Variants in EYS observed in about 807,000 individuals in gnomAD.
EYS encodes EGF-like photoreceptor maintenance factor.
In EYS, 250 loss-of-function variants were observed where a neutral mutation model predicts 282.1. The ratio of observed to expected loss-of-function variants is 0.89; its 90% confidence interval spans 0.80 to 0.98. The LOEUF is 0.98. EYS is among the 50% of genes least tolerant of loss of function. The pLI, the probability that EYS is intolerant of heterozygous loss-of-function variation, is 0.00. For synonymous variants in EYS, 1,355 were observed against 1,282.9 expected, an observed-to-expected ratio of 1.06 and a Z score of -1.20; for missense variants, 4,016 against 3,709.0, an observed-to-expected ratio of 1.08 and a Z score of -2.15.
rs376834426 is a variant in EYS at position 65,122,888 on chromosome 6, G to A, written c.2024-65161C>T. Among the ~76,000 whole-genome samples the A allele has an allele frequency of 7.9e-5, 12 of 152,098 alleles. No homozygotes were observed. The East Asian group carries it at 2.1e-3, about 27-fold the overall frequency. On this transcript the variant is annotated intron_variant, in intron 12 of 42. Coordinates refer to ENST00000503581, the MANE Select transcript of EYS (RefSeq NM_001142800.2). Reference sequence around the variant, plus strand: ...AATGCAACAACACGTTGAGTTCAGTGCCTGGCATAGATATACATCTATCCA... The same window carrying A: ...AATGCAACAACACGTTGAGTTCAGTACCTGGCATAGATATACATCTATCCA...
chr6:65,293,133 A>C (rs1768571864), intron 12 of EYS, among the ~76,000 whole-genome samples: 1 of 151,682 alleles, frequency 6.6e-6, no homozygotes, highest in Non-Finnish European at 1.5e-5. Context: ...TCATAAGAAA[A>C]GTAAGATGAG....
At chr6:64,748,354 A>G (rs1222210789) in intron 22 of EYS, among the ~76,000 whole-genome samples, 2 of 152,214 alleles carry the variant, frequency 1.3e-5, no homozygotes, top group African/African-American at 4.8e-5. Context: ...ATTTTTCCAC[A>G]GACAGGGTGA....
intron 12 of EYS, among the ~76,000 whole-genome samples, chr6:65,120,769 T>C (rs1775523074): frequency 6.6e-6 from 1 of 152,118 alleles, no homozygotes; most frequent in African/African-American, 2.4e-5. Context: ...AGACTTTTCT[T>C]CCCCATCTCC....
At chr6:64,288,846 CAT>C (rs1271669068) in intron 30 of EYS, among the ~76,000 whole-genome samples, 2 of 152,082 alleles carry the variant, frequency 1.3e-5, no homozygotes, top group South Asian at 2.1e-4. Flanking sequence ...CTGCTAGAAA[CAT>C]AGTCGCTAAA....
chr6:65,618,172 G>A (rs530003678), intron 2 of EYS, among the ~76,000 whole-genome samples: 150 of 152,180 alleles, frequency 9.9e-4, no homozygotes, highest in African/African-American at 3.5e-3. Flanking sequence ...CCCACCAACA[G>A]TGTAAAAGTG....
chr6:64,984,341 C>T (rs1255085966), intron 14 of EYS, among the ~76,000 whole-genome samples: 2 of 151,298 alleles, frequency 1.3e-5, no homozygotes, highest in Non-Finnish European at 3.0e-5. Context: ...AACTAAAAGA[C>T]ATATGATAAT....
At chr6:64,863,376 G>A (rs911215098) in intron 19 of EYS, among the ~76,000 whole-genome samples, 1 of 152,022 alleles carries the variant, frequency 6.6e-6, no homozygotes, top group Non-Finnish European at 1.5e-5. Flanking sequence ...TCTGTTTTAA[G>A]TAGCACATGG....
intron 24 of EYS, among the ~76,000 whole-genome samples, chr6:64,612,606 T>C (rs142723914): frequency 2.0e-5 from 3 of 152,230 alleles, no homozygotes; most frequent in African/African-American, 7.2e-5. Context: ...TGTCAGAGAT[T>C]GTCATAGCTC....
intron 31 of EYS, among the ~76,000 whole-genome samples, chr6:64,152,325 CT>C (rs773689030): frequency 5.9e-5 from 9 of 152,102 alleles, no homozygotes; most frequent in Non-Finnish European, 1.2e-4. Context: ...GTCTTTATCA[CT>C]CTGGGTATTT....
chr6:64,847,136 G>A (rs1287279931), intron 19 of EYS, among the ~76,000 whole-genome samples: 1 of 152,188 alleles, frequency 6.6e-6, no homozygotes, highest in East Asian at 1.9e-4. Flanking sequence ...CTTGGACTTG[G>A]ATTGCAACTT....
At chr6:64,449,346 T>A (rs1399897899) in intron 26 of EYS, among the ~76,000 whole-genome samples, 1 of 151,978 alleles carries the variant, frequency 6.6e-6, no homozygotes, top group Admixed American at 6.6e-5. Context: ...CCAAGACATA[T>A]GGGACTACGT....
chr6:65,239,503 C>T (rs973256952), intron 12 of EYS, among the ~76,000 whole-genome samples: 4 of 151,822 alleles, frequency 2.6e-5, no homozygotes, highest in African/African-American at 9.7e-5. Context: ...GGCTAATGCC[C>T]ACTCTAGGAT....
At chr6:65,698,406 T>C (rs1178482307) in intron 1 of EYS, among the ~76,000 whole-genome samples, 1 of 152,178 alleles carries the variant, frequency 6.6e-6, no homozygotes, top group Admixed American at 6.5e-5. Flanking sequence ...ATATAATTAA[T>C]GCATCGATTA....
chr6:64,786,292 G>T (rs959919833), intron 22 of EYS, among the ~76,000 whole-genome samples: 1 of 151,826 alleles, frequency 6.6e-6, no homozygotes, highest in African/African-American at 2.4e-5. Context: ...AGACAGAGGG[G>T]TGGGCACTCC....
intron 2 of EYS, among the ~76,000 whole-genome samples, chr6:65,600,383 C>T (rs940370141): frequency 6.6e-6 from 1 of 152,062 alleles, no homozygotes. Context: ...GTTTTCTCCT[C>T]ATTGTTATTC....
intron 1 of EYS, among the ~76,000 whole-genome samples, chr6:65,677,796 A>C (rs925050118): frequency 6.6e-6 from 1 of 152,042 alleles, no homozygotes; most frequent in Admixed American, 6.6e-5. Flanking sequence ...AAAACATACT[A>C]CAAAGCTACA....
intron 22 of EYS, among the ~76,000 whole-genome samples, chr6:64,740,845 C>A (rs2149960859): frequency 6.6e-6 from 1 of 152,014 alleles, no homozygotes; most frequent in Non-Finnish European, 1.5e-5. Flanking sequence ...TCCTGAGTAG[C>A]TGGGACTACA....
intron 13 of EYS, among the ~76,000 whole-genome samples, chr6:65,028,582 A>G (rs1229993405): frequency 2.0e-5 from 3 of 152,010 alleles, no homozygotes; most frequent in African/African-American, 4.8e-5. Flanking sequence ...GTGCCCTTCA[A>G]TTTTGGTTTA....
At chr6:65,242,423 G>C (rs1028477554) in intron 12 of EYS, among the ~76,000 whole-genome samples, 1 of 151,978 alleles carries the variant, frequency 6.6e-6, no homozygotes, top group Admixed American at 6.6e-5. Context: ...AATTTTTTAA[G>C]GTTAGTCCAT....
Sources: gnomAD v4.1 joint callset for allele counts (sites outside exome capture counted in the v4.1 genomes callset) on GRCh38, gnomAD v4.1.1 for gene constraint, MANE v1.5 for transcripts, NCBI Gene and HGNC (gene_info 2026-07-23, HGNC 2026-07-21) for gene names.